Variants in KCNAB1 observed in about 807,000 individuals in gnomAD.
KCNAB1 encodes the protein voltage-gated potassium channel subunit beta-1.
KCNAB1 carries 35 observed loss-of-function variants against 64.6 expected under a neutral mutation model. That is an observed-to-expected ratio of 0.54 (90% CI 0.41 to 0.72). The LOEUF (loss-of-function observed/expected upper bound fraction) is 0.72. KCNAB1 is among the 30% of genes least tolerant of loss of function. The probability of loss-of-function intolerance (pLI) is 0.00; values close to 1 mark genes in which losing one functional copy is unlikely to be tolerated. For missense variants in KCNAB1, 401 were observed against 512.9 expected (o/e 0.78, Z 2.11); for synonymous variants, 177 against 183.8 (o/e 0.96, Z 0.30).
intron 1 of KCNAB1, among the ~76,000 whole-genome samples, chr3:156,135,678 A>G (rs1431640860): frequency 3.3e-5 from 5 of 152,218 alleles, no homozygotes; most frequent in African/African-American, 4.8e-5. Flanking sequence ...AACTGAAAAT[A>G]TAAAATTTTA....
chr3:156,260,878 C>G (rs993234866), intron 1 of KCNAB1, among the ~76,000 whole-genome samples: 1 of 152,072 alleles, frequency 6.6e-6, no homozygotes, highest in Non-Finnish European at 1.5e-5. Flanking sequence ...CATGAAAGTT[C>G]CAGTTTCTCC....
chr3:156,304,078 T>A (rs1721328617), intron 1 of KCNAB1, among the ~76,000 whole-genome samples: 1 of 152,248 alleles, frequency 6.6e-6, no homozygotes, highest in Admixed American at 6.5e-5. Context: ...TTGGCCTTAC[T>A]TTAATAATGA....
chr3:156,305,626 G>A (rs932844541), intron 1 of KCNAB1, among the ~76,000 whole-genome samples: 96 of 152,280 alleles, frequency 6.3e-4, no homozygotes, highest in African/African-American at 2.2e-3. Context: ...ATAATGACTG[G>A]AAACTAATAG....
intron 3 of KCNAB1, among the ~76,000 whole-genome samples, chr3:156,455,492 ATAAT>A (rs1712336822): frequency 6.6e-6 from 1 of 152,212 alleles, no homozygotes; most frequent in African/African-American, 2.4e-5. Flanking sequence ...ACTGATATGA[ATAAT>A]TATTTACTTA....
chr3:156,160,160 A>G (rs1242544962), intron 1 of KCNAB1, among the ~76,000 whole-genome samples: 2 of 152,222 alleles, frequency 1.3e-5, no homozygotes, highest in African/African-American at 4.8e-5. Context: ...TAGAGGAAAC[A>G]GCATGTTTGA....
In KCNAB1 at chr3:156,272,414, A is replaced by C. The variant is rs532497063; in HGVS notation, c.276-149202A>C. Among the ~76,000 whole-genome samples the C allele has an allele frequency of 4.6e-5, 7 of 152,258 alleles. No homozygotes were observed. In the South Asian group the frequency reaches 1.5e-3, roughly 32 times the overall value. On this transcript the variant is annotated intron_variant, in intron 1 of 13. Transcript: ENST00000490337. ...TTCTACTGTGACTAAGCTAGCAACA[A>C]AAACACAAGACAAAGTTTTTCCAAC...
intron 1 of KCNAB1, among the ~76,000 whole-genome samples, chr3:156,127,947 G>A (rs1251988086): frequency 1.3e-5 from 2 of 151,170 alleles, no homozygotes; most frequent in South Asian, 4.2e-4. Flanking sequence ...GGTTTCTTCT[G>A]AATAACTGTG....
intron 1 of KCNAB1, among the ~76,000 whole-genome samples, chr3:156,256,596 G>A (rs756302089): frequency 9.2e-5 from 14 of 152,228 alleles, no homozygotes; most frequent in South Asian, 2.1e-4. Context: ...TAAAAGCAGC[G>A]TTGAATCAGC....
intron 1 of KCNAB1, among the ~76,000 whole-genome samples, chr3:156,251,883 C>A (rs1254234103): frequency 1.3e-5 from 2 of 152,180 alleles, no homozygotes; most frequent in Non-Finnish European, 2.9e-5. Context: ...GATTGTAGGT[C>A]AAATGCTGCT....
chr3:156,470,291 C>T (rs1207496462), intron 7 of KCNAB1, among the ~76,000 whole-genome samples: 1 of 152,220 alleles, frequency 6.6e-6, no homozygotes, highest in Non-Finnish European at 1.5e-5. Flanking sequence ...ATCCAATTTA[C>T]TCATTCAGCC....
intron 1 of KCNAB1, among the ~76,000 whole-genome samples, chr3:156,140,155 C>T (rs543298546): frequency 6.6e-6 from 1 of 152,120 alleles, no homozygotes; most frequent in African/African-American, 2.4e-5. Flanking sequence ...GACTCTGATC[C>T]CAAGCCTCTG....
chr3:156,482,077 T>C (rs1204007687), intron 8 of KCNAB1, among the ~76,000 whole-genome samples: 2 of 152,126 alleles, frequency 1.3e-5, no homozygotes, highest in Non-Finnish European at 2.9e-5. Flanking sequence ...GATGAAGTCA[T>C]GTAAGATTCA....
At chr3:156,198,217 C>T (rs961727365) in intron 1 of KCNAB1, among the ~76,000 whole-genome samples, 2 of 152,052 alleles carry the variant, frequency 1.3e-5, no homozygotes, top group African/African-American at 4.8e-5. Context: ...ATTATGTGGT[C>T]AATTTTAGAA....
At chr3:156,419,500 C>CAAAAAAAAAGAAAAAA (rs368679928) in intron 1 of KCNAB1, among the ~76,000 whole-genome samples, 1 of 81,412 alleles carries the variant, frequency 1.2e-5, no homozygotes, top group Non-Finnish European at 2.4e-5. Flanking sequence ...GACTCCGTCT[C>CAAAAAAAAAGAAAAAA]AAAAAAAAAG....
At position 156,139,800 on chromosome 3, in the gene KCNAB1, A is replaced by G. The variant is rs182090033; in HGVS notation, c.275+18914A>G. Among the ~76,000 whole-genome samples the G allele has an allele frequency of 5.9e-3, 893 of 152,150 alleles. 6 individuals carry two copies. Among genetic ancestry groups the G allele is most frequent in the African/African-American group, 0.02 (850 of 41,520 alleles). On this transcript the variant is annotated intron_variant, in intron 1 of 13. Transcript: ENST00000490337. ...TGATTGTGCACAAAGCATCATTCTGATCATTATAACTGGAGTTTACAAGCT... is the reference window on the plus strand; with the variant it reads ...TGATTGTGCACAAAGCATCATTCTGGTCATTATAACTGGAGTTTACAAGCT...
At chr3:156,259,494 T>C (rs1576653457) in intron 1 of KCNAB1, among the ~76,000 whole-genome samples, 2 of 152,188 alleles carry the variant, frequency 1.3e-5, no homozygotes, top group Non-Finnish European at 1.5e-5. Context: ...GTCCTCATGT[T>C]GTCTAAAGCT....
At chr3:156,211,049 CTG>C (rs778560427) in intron 1 of KCNAB1, among the ~76,000 whole-genome samples, 45 of 152,106 alleles carry the variant, frequency 3.0e-4, no homozygotes, top group South Asian at 4.2e-4. Flanking sequence ...AGCTGTCAGG[CTG>C]TGTTTGGTGT....
intron 13 of KCNAB1, among the ~76,000 whole-genome samples, chr3:156,535,934 A>C (rs1273618144): frequency 6.6e-6 from 1 of 152,104 alleles, no homozygotes; most frequent in Non-Finnish European, 1.5e-5. Context: ...ATGGCATTCA[A>C]GGCTTTCCAC....
At chr3:156,327,534 T>C (rs527912847) in intron 1 of KCNAB1, among the ~76,000 whole-genome samples, 1 of 152,304 alleles carries the variant, frequency 6.6e-6, no homozygotes, top group African/African-American at 2.4e-5. Context: ...TCACGTATTG[T>C]GTTACTGATG....
Sources: gnomAD v4.1 joint callset for allele counts (sites outside exome capture counted in the v4.1 genomes callset) on GRCh38, gnomAD v4.1.1 for gene constraint, MANE v1.5 for transcripts, NCBI Gene and HGNC (gene_info 2026-07-23, HGNC 2026-07-21) for gene names.